The following SSBP1 variants were observed in gnomAD, a reference collection of about 807,000 sequenced individuals.
SSBP1 encodes single stranded DNA binding protein 1.
In SSBP1, 20 loss-of-function variants were observed where a neutral mutation model predicts 27.0. The observed-to-expected ratio is 0.74, with a 90% confidence interval of 0.52 to 1.08. The LOEUF is 1.08. Ranked by LOEUF, SSBP1 falls within the 50% of genes least tolerant of loss-of-function variation. The pLI is 0.00. For missense variants in SSBP1, 137 were observed against 182.4 expected (o/e 0.75, Z 1.44); for synonymous variants, 59 against 59.3 (o/e 1.00, Z 0.02).
chr7:141,742,541 T>G (rs1219890962), intron 3 of SSBP1, among the ~76,000 whole-genome samples: 1 of 152,206 alleles, frequency 6.6e-6, no homozygotes, highest in Non-Finnish European at 1.5e-5. Context: ...GTAAAAGATA[T>G]TGTTTCTTCA....
At chr7:141,741,844 C>T in intron 2 of SSBP1, 1 of 1,008,160 alleles carries the variant, frequency 9.9e-7, no homozygotes, top group South Asian at 4.6e-5. Context: ...TAAAGTGATA[C>T]TATTTTGATT....
chr7:141,742,269 T>G, intron 3 of SSBP1, 40 bp downstream of exon 3: 2 of 1,493,276 alleles, frequency 1.3e-6, no homozygotes, highest in Non-Finnish European at 9.3e-7. Context: ...TTATTTTTAG[T>G]AATTTGCCAA....
intron 2 of SSBP1, among the ~76,000 whole-genome samples, 161 bp from the exon 3 acceptor site, chr7:141,742,008 C>T (rs1799554077): frequency 6.6e-6 from 1 of 152,194 alleles, no homozygotes; most frequent in African/African-American, 2.4e-5. Context: ...TTTGCCGGGG[C>T]CTTCTGGCAC....
At chr7:141,745,822 C>A (rs1584769133) in intron 6 of SSBP1, 6 of 1,264,516 alleles carry the variant, frequency 4.7e-6, no homozygotes, top group South Asian at 2.3e-5. Flanking sequence ...TTGAATAAAG[C>A]CTAAAACTGA....
intron 6 of SSBP1, chr7:141,746,229 C>T (rs540924653): frequency 6.5e-6 from 1 of 153,472 alleles, no homozygotes; most frequent in Non-Finnish European, 1.4e-5. Flanking sequence ...CCATGTTGGT[C>T]AGGCTGGTCT....
intron 1 of SSBP1, chr7:141,738,642 T>C (rs893352182): frequency 6.6e-6 from 1 of 152,250 alleles, no homozygotes; most frequent in Non-Finnish European, 1.5e-5. Context: ...AGCCCGGGGG[T>C]CTCTACGCTG....
In SSBP1 at chr7:141,744,008, G is replaced by A. The variant is rs746126125; in HGVS notation, c.314+19G>A. 5 of 1,599,166 alleles carry A rather than the reference G, an allele frequency of 3.1e-6. No homozygotes were observed. The Admixed American group carries it at 8.7e-5, about 28-fold the overall frequency. ...AAAAGGGGTAAGTTGAAGAGGGAAGGATCTTATGAATTGAATGATTTAAAG... is the reference window on the plus strand; with the variant it reads ...AAAAGGGGTAAGTTGAAGAGGGAAGAATCTTATGAATTGAATGATTTAAAG... On this transcript the variant is annotated intron_variant, in intron 5 of 6. Coordinates refer to ENST00000265304, the MANE Select transcript of SSBP1 (RefSeq NM_003143.3).
intron 1 of SSBP1, 121 bp downstream of exon 1, chr7:141,738,531 T>G (rs989591493): frequency 6.5e-6 from 1 of 152,812 alleles, no homozygotes; most frequent in African/African-American, 2.4e-5. Context: ...TCATCAGTCG[T>G]GCGGAGGACC....
chr7:141,743,096 G>C (rs548798778), intron 3 of SSBP1, among the ~76,000 whole-genome samples: 1 of 152,080 alleles, frequency 6.6e-6, no homozygotes, highest in Admixed American at 6.5e-5. Flanking sequence ...CTTGTGATCC[G>C]CCCGCCTTGG....
chr7:141,741,012 A>G (rs1422025814), intron 2 of SSBP1: 1 of 152,250 alleles, frequency 6.6e-6, no homozygotes, highest in Admixed American at 6.5e-5. Context: ...TGTGTCAGAA[A>G]GTCATTCATG....
At chr7:141,741,720 G>A in intron 2 of SSBP1, 2 of 973,560 alleles carry the variant, frequency 2.1e-6, no homozygotes, top group Non-Finnish European at 2.4e-6. Context: ...AATATATGTA[G>A]TACTTTTTGT....
chr7:141,742,272 T>C, intron 3 of SSBP1, 43 bp downstream of exon 3: 1 of 1,470,880 alleles, frequency 6.8e-7, no homozygotes, highest in Non-Finnish European at 9.5e-7. Context: ...TTTTTAGTAA[T>C]TTGCCAATCT....
intron 5 of SSBP1, among the ~76,000 whole-genome samples, chr7:141,744,890 G>A (rs1799715694): frequency 6.6e-6 from 1 of 151,970 alleles, no homozygotes; most frequent in South Asian, 2.1e-4. Context: ...CTCAAAACTG[G>A]TACTATTGTC....
At chr7:141,744,903 C>T (rs779592929) in intron 5 of SSBP1, among the ~76,000 whole-genome samples, 7 of 152,062 alleles carry the variant, frequency 4.6e-5, no homozygotes, top group Non-Finnish European at 1.0e-4. Context: ...CTATTGTCAT[C>T]TTTCCACTCT....
intron 5 of SSBP1, among the ~76,000 whole-genome samples, chr7:141,744,619 A>G (rs1187347925): frequency 6.6e-6 from 1 of 152,256 alleles, no homozygotes; most frequent in Admixed American, 6.5e-5. Context: ...TTGTAGAAAG[A>G]AAACATATTT....
chr7:141,739,829 T>C (rs902782838), intron 2 of SSBP1: 2 of 152,334 alleles, frequency 1.3e-5, no homozygotes, highest in Middle Eastern at 3.4e-3. Context: ...CCTCCATGAC[T>C]CTGTCATTTT....
At chr7:141,741,786 C>T in intron 2 of SSBP1, 1 of 1,002,258 alleles carries the variant, frequency 1.0e-6, no homozygotes, top group Non-Finnish European at 1.2e-6. Context: ...TTGGCAGCAA[C>T]TCTTAGGTAC....
intron 2 of SSBP1, chr7:141,739,409 CATT>C (rs1357229133): frequency 2.5e-6 from 1 of 392,440 alleles, no homozygotes; most frequent in Admixed American, 4.5e-5. Context: ...TAATAGGAAT[CATT>C]AATTTTTAAA....
chr7:141,746,249 G>C (rs1254682868), intron 6 of SSBP1: 1 of 152,462 alleles, frequency 6.6e-6, no homozygotes, highest in African/African-American at 2.4e-5. Context: ...TTGAACTCCT[G>C]ACCTCAGGTG....
Sources: gnomAD v4.1 joint callset for allele counts (sites outside exome capture counted in the v4.1 genomes callset) on GRCh38, gnomAD v4.1.1 for gene constraint, MANE v1.5 for transcripts, NCBI Gene and HGNC (gene_info 2026-07-23, HGNC 2026-07-21) for gene names.